Variants in GOLGB1 observed in about 807,000 individuals in gnomAD.
GOLGB1 encodes the protein golgin B1.
In GOLGB1, 174 loss-of-function variants were observed where a neutral mutation model predicts 336.9. That is an observed-to-expected ratio of 0.52 (90% CI 0.46 to 0.59). The LOEUF is 0.59. Ranked by LOEUF, GOLGB1 falls within the 20% of genes least tolerant of loss-of-function variation. The pLI is 0.00. For missense variants in GOLGB1, 3,331 were observed against 3,645.3 expected, an observed-to-expected ratio of 0.91 and a Z score of 2.22; for synonymous variants, 1,208 against 1,289.2, an observed-to-expected ratio of 0.94 and a Z score of 1.35.
rs775332184 is a variant in GOLGB1 at position 121,697,973 on chromosome 3, A to C, written c.2550T>G (p.Ser850Arg). ...CACGTTCTGCCCCCTCAAGCACTTC[A>C]CTTTCCTTATTTTGCAGCTGGCTTT... ...SLQSQLQNKE[S>R]EVLEGAERVR... is the part of the protein sequence containing the mutation. Residue 850 changes from serine to arginine, a missense_variant, in exon 13 of 22, where the codon AGT becomes AGG. By Grantham distance (110) the Ser-to-Arg change is moderately radical (BLOSUM62 -1). Coordinates refer to ENST00000614479, the MANE Select transcript of GOLGB1 (RefSeq NM_001366282.2). 1.2e-6 allele frequency: 2 copies of C among 1,613,990 alleles called. No homozygotes were observed. Among genetic ancestry groups the C allele is most frequent in the Non-Finnish European group, 1.7e-6 (2 of 1,179,954 alleles).
chr3:121,681,938 CCTA>C, intron 14 of GOLGB1, 73 bp from the exon 15 acceptor site: 1 of 991,528 alleles, frequency 1.0e-6, no homozygotes, highest in Non-Finnish European at 1.6e-6. Flanking sequence ...TTGGTAGCTC[CCTA>C]CTAAGTAGTC....
intron 17 of GOLGB1, among the ~76,000 whole-genome samples, chr3:121,676,191 T>C (rs1167830703): frequency 7.2e-5 from 11 of 152,244 alleles, no homozygotes. Flanking sequence ...ACTGTGCTTT[T>C]CCACATGCAT....
chr3:121,692,267 G>C lies in GOLGB1; in HGVS notation c.7097C>G (p.Thr2366Ser). The C allele has an allele frequency of 6.2e-7, 1 of 1,609,786 alleles. No individual in the cohort carries two copies. The highest frequency in any genetic ancestry group is 8.5e-7 in the Non-Finnish European group (1 of 1,178,826). Residue 2366 changes from threonine (T) to serine (S), a missense_variant, in exon 14 of 22, where the codon ACT (threonine) becomes AGT (serine). Coordinates refer to ENST00000614479, the MANE Select transcript of GOLGB1 (RefSeq NM_001366282.2). ...CAGTTCTCTGGAGGCCTGAAGATCA[G>C]TCTCCAGTTGTTCATAACTGAACTT... is the stretch of plus-strand genomic sequence containing the variant. ...NSKFSYEQLE[T>S]DLQASRELTS...
intron 17 of GOLGB1, 134 bp from the exon 18 acceptor site, chr3:121,669,489 G>C (rs1448026026): frequency 1.6e-6 from 1 of 615,740 alleles, no homozygotes; most frequent in East Asian, 3.0e-5. Flanking sequence ...AGCACTTTGT[G>C]TGCCTTCAAA....
Position 121,697,906 on chromosome 3 carries a change from G to C in GOLGB1, c.2617C>G (p.Leu873Val), listed in dbSNP as rs1270832519. ...GTTATTTCAAGTTCCTTCTGTGAAA[G>C]AGCCTGGGACAGTTCTTCCACTTTA... The part of the protein sequence containing the change: ...SSKVEELSQA[L>V]SQKELEITKM... The change falls in exon 13 of 22, where the codon CTT becomes GTT. Residue 873 changes from leucine (L) to valine (V), a missense_variant. By Grantham distance (32) the Leu-to-Val change is conservative (BLOSUM62 1). Transcript: ENST00000614479. 1 of 1,613,996 alleles carries C rather than the reference G, an allele frequency of 6.2e-7. No individual in the cohort carries two copies. The highest frequency in any genetic ancestry group is 8.5e-7 in the Non-Finnish European group (1 of 1,179,934).
In GOLGB1 at chr3:121,698,857, T is replaced by C; in HGVS notation, c.1666A>G (p.Thr556Ala). 6.2e-7 allele frequency: 1 copy of C among 1,608,062 alleles called. No homozygotes were observed. The highest frequency in any genetic ancestry group is 8.5e-7 in the Non-Finnish European group (1 of 1,175,018). ...AATTCTTTATGTTTCTGAGAAAATG[T>C]GTTTTCTAGAACATCTTGTCCACTT... ...EESGQDVLEN[T>A]FSQKHKELSV... The change falls in exon 13 of 22, where the codon ACA (threonine) becomes GCA (alanine). Residue 556 changes from threonine to alanine, a missense_variant. By Grantham distance (58) the Thr-to-Ala change is moderately conservative. Coordinates refer to ENST00000614479, the MANE Select transcript of GOLGB1 (RefSeq NM_001366282.2).
chr3:121,704,432 C>T (rs184741632), intron 10 of GOLGB1, among the ~76,000 whole-genome samples: 156 of 151,990 alleles, frequency 1.0e-3, no homozygotes, highest in African/African-American at 3.3e-3. Context: ...GACTACTGAC[C>T]AATTGTTAGG....
At chr3:121,677,129 T>A in intron 16 of GOLGB1, 99 bp from the exon 17 acceptor site, 4 of 1,453,078 alleles carry the variant, frequency 2.8e-6, no homozygotes, top group Non-Finnish European at 3.8e-6. Context: ...AGTCATAAGG[T>A]GGCTTATGGG....
At chr3:121,685,492 G>A (rs574367860) in intron 14 of GOLGB1, among the ~76,000 whole-genome samples, 2 of 151,898 alleles carry the variant, frequency 1.3e-5, no homozygotes, top group Admixed American at 6.6e-5. Context: ...CTGAGATGGC[G>A]CCACTGCACT....
chr3:121,717,065 C>T lies in GOLGB1; in HGVS notation c.960G>A (p.Glu320=), dbSNP rs761292878. The part of the protein sequence containing the change: ...TLRNTVETER[E]ESKILLEKME... ...TCTTTTCCAGTAGAATCTTGGACTC[C>T]TCTCTTTCTGTTTCCACAGTGTTCC... The change falls in exon 9 of 22, where the codon GAG becomes GAA. Residue 320 remains glutamate, a synonymous_variant. Transcript: ENST00000614479. 3.1e-6 allele frequency: 5 copies of T among 1,612,676 alleles called. No individual in the cohort carries two copies. Among genetic ancestry groups the T allele is most frequent in the Middle Eastern group, 3.3e-4 (2 of 6,080 alleles).
intron 1 of GOLGB1, among the ~76,000 whole-genome samples, chr3:121,739,332 G>C (rs970401523): frequency 6.6e-6 from 1 of 152,080 alleles, no homozygotes; most frequent in East Asian, 1.9e-4. Flanking sequence ...AAAAAAAGGA[G>C]GAAAACGATC....
chr3:121,677,211 AAC>A, intron 16 of GOLGB1, 72 bp downstream of exon 16: 56 of 1,343,766 alleles, frequency 4.2e-5, no homozygotes, highest in South Asian at 6.5e-5. Context: ...TTAAAAAAAA[AAC>A]AAAACCCTGC....
At chr3:121,669,532 A>G (rs1195983853) in intron 17 of GOLGB1, among the ~76,000 whole-genome samples, 177 bp from the exon 18 acceptor site, 1 of 152,114 alleles carries the variant, frequency 6.6e-6, no homozygotes, top group African/African-American at 2.4e-5. Flanking sequence ...TTTGACCAAG[A>G]CAGAAAACAA....
At chr3:121,700,460 G>A (rs1447624278) in intron 11 of GOLGB1, among the ~76,000 whole-genome samples, 2 of 151,904 alleles carry the variant, frequency 1.3e-5, no homozygotes, top group Non-Finnish European at 2.9e-5. Flanking sequence ...TGTATATATT[G>A]AGCATCAATA....
intron 1 of GOLGB1, among the ~76,000 whole-genome samples, chr3:121,748,202 T>C (rs1262491014): frequency 2.6e-5 from 4 of 152,200 alleles, no homozygotes; most frequent in Non-Finnish European, 1.5e-5. Context: ...TATCTTTACG[T>C]GATTGTCAAA....
In GOLGB1 at chr3:121,667,696, T is replaced by C. The variant is rs1438529922; in HGVS notation, c.9420-86A>G. The C allele has an allele frequency of 6.6e-6, 8 of 1,220,400 alleles. 1 individual carries two copies. Among genetic ancestry groups the C allele is most frequent in the Non-Finnish European group, 9.3e-6 (8 of 860,836 alleles). 75.6% of individuals were successfully genotyped at this position (1,220,400 alleles called of 1,614,324 possible). ...GGGATTCAAAGTCTTCATAAGGTTG[T>C]AAAGCAAGAAAATCCATAGAAGCTT... On this transcript the variant is annotated intron_variant, in intron 19 of 21. Coordinates refer to ENST00000614479, the MANE Select transcript of GOLGB1 (RefSeq NM_001366282.2).
Position 121,691,351 on chromosome 3 carries a change from T to C in GOLGB1, c.8013A>G (p.Gln2671=), listed in dbSNP as rs1366158296. 2 of 1,612,450 alleles carry C rather than the reference T, an allele frequency of 1.2e-6. No individual in the cohort carries two copies. The highest frequency in any genetic ancestry group is 1.7e-5 in the Admixed American group (1 of 59,678). ...AELEEELVCV[Q]KEAAKKVGEI... ...CACCTACCTTCTTGGCAGCTTCCTT[T>C]TGAACACAAACCAATTCTTCTTCCA... is the stretch of plus-strand genomic sequence containing the variant. The change falls in exon 14 of 22, where the codon CAA becomes CAG. Residue 2671 remains glutamine (Q), a synonymous_variant. Coordinates refer to ENST00000614479, the MANE Select transcript of GOLGB1 (RefSeq NM_001366282.2).
intron 20 of GOLGB1, 65 bp downstream of exon 20, chr3:121,667,411 A>C: frequency 6.7e-7 from 1 of 1,498,682 alleles, no homozygotes; most frequent in Non-Finnish European, 9.1e-7. Context: ...GTCTGGCAGG[A>C]AATGTACATG....
Position 121,694,927 on chromosome 3 carries a change from C to G in GOLGB1, c.5596G>C (p.Glu1866Gln), listed in dbSNP as rs1942800748. 5.0e-6 allele frequency: 8 copies of G among 1,614,006 alleles called. No homozygotes were observed. The highest frequency in any genetic ancestry group is 6.8e-6 in the Non-Finnish European group (8 of 1,179,926). ...TCATTTTCTAAAGTCTGGCTAAATT[C>G]CTTGTTTTTCTGCTTCTCCTCCTCT... ...GLEEEKQKNKEFSQTLENEKN... is the reference protein window; with the variant it reads ...GLEEEKQKNKQFSQTLENEKN... The change falls in exon 13 of 22, where the codon GAA becomes CAA. Residue 1866 changes from glutamate to glutamine, a missense_variant. Coordinates refer to ENST00000614479, the MANE Select transcript of GOLGB1 (RefSeq NM_001366282.2).
Sources: allele counts gnomAD v4.1 joint callset (sites outside exome capture counted in the v4.1 genomes callset), GRCh38; gene constraint gnomAD v4.1.1; transcripts MANE v1.5; gene names NCBI Gene and HGNC (gene_info 2026-07-23, HGNC 2026-07-21).